The following ITPR1 variants were observed in gnomAD, a reference collection of about 807,000 sequenced individuals.
The protein encoded by ITPR1 is inositol 1,4,5-trisphosphate-gated calcium channel ITPR1.
In ITPR1, 96 loss-of-function variants were observed where a neutral mutation model predicts 318.4. The observed-to-expected ratio is 0.30, with a 90% CI of 0.26 to 0.36. The LOEUF is 0.36. Ranked by LOEUF, ITPR1 falls within the 10% of genes least tolerant of loss-of-function variation. ITPR1 has a pLI of 1.00. For missense variants in ITPR1, 2,440 were observed against 3,460.2 expected (o/e 0.71, Z 7.40); for synonymous variants, 1,312 against 1,289.9 (o/e 1.02, Z -0.37).
intron 59 of ITPR1, 40 bp from the exon 60 acceptor site, chr3:4,818,042 C>A (rs1264060618): frequency 1.3e-6 from 2 of 1,555,022 alleles, no homozygotes; most frequent in Admixed American, 3.7e-5. Flanking sequence ...TTTACCAAGG[C>A]TGCTCAGCTG....
chr3:4,813,006 G>C (rs938063896), intron 56 of ITPR1, 136 bp from the exon 57 acceptor site: 2 of 707,340 alleles, frequency 2.8e-6, no homozygotes, highest in Non-Finnish European at 4.9e-6. Flanking sequence ...TTGCATTTCT[G>C]CTTTGAATTT....
chr3:4,736,433 C>A (rs2043277637), intron 44 of ITPR1, among the ~76,000 whole-genome samples: 1 of 152,256 alleles, frequency 6.6e-6, no homozygotes, highest in African/African-American at 2.4e-5. Flanking sequence ...TCAGTCCCTG[C>A]CTGCTCCTCC....
intron 43 of ITPR1, among the ~76,000 whole-genome samples, chr3:4,733,923 T>C (rs2043102977): frequency 6.6e-6 from 1 of 152,254 alleles, no homozygotes; most frequent in Admixed American, 6.5e-5. Context: ...TTTGTGTTTT[T>C]AGGCAGTGCT....
chr3:4,512,664 G>A (rs149677070), intron 2 of ITPR1, among the ~76,000 whole-genome samples: 5 of 152,138 alleles, frequency 3.3e-5, no homozygotes, highest in South Asian at 4.2e-4. Flanking sequence ...CTTATCTCTC[G>A]TGGAAGAAAA....
At chr3:4,738,911 G>A (rs1360229703) in intron 44 of ITPR1, among the ~76,000 whole-genome samples, 1 of 151,830 alleles carries the variant, frequency 6.6e-6, no homozygotes, top group African/African-American at 2.4e-5. Flanking sequence ...TGCGGGTGTG[G>A]CCGCACGCAC....
chr3:4,708,343 C>A (rs904963026), intron 37 of ITPR1, among the ~76,000 whole-genome samples: 2 of 152,138 alleles, frequency 1.3e-5, no homozygotes, highest in Admixed American at 1.3e-4. Flanking sequence ...TGCATCTTAA[C>A]TTGACCTATG....
chr3:4,647,363 G>T (rs1412818789), intron 10 of ITPR1, among the ~76,000 whole-genome samples: 1 of 152,126 alleles, frequency 6.6e-6, no homozygotes, highest in Non-Finnish European at 1.5e-5. Context: ...AGGGATATTT[G>T]TACACAAGTT....
intron 44 of ITPR1, among the ~76,000 whole-genome samples, chr3:4,736,638 G>A (rs1011849039): frequency 2.0e-5 from 3 of 152,254 alleles, no homozygotes; most frequent in Non-Finnish European, 2.9e-5. Flanking sequence ...AAGTTGTCAC[G>A]TGGGCACGAG....
chr3:4,760,202 A>ATATCT (rs1352618558), intron 44 of ITPR1, among the ~76,000 whole-genome samples: 4 of 152,240 alleles, frequency 2.6e-5, no homozygotes, highest in African/African-American at 9.6e-5. Flanking sequence ...ATGAATGATG[A>ATATCT]TATCTGCCTT....
At position 4,576,500 on chromosome 3, in the gene ITPR1, G is replaced by A. The variant is rs1280619963; in HGVS notation, c.164-51263G>A. Among the ~76,000 whole-genome samples the A allele has an allele frequency of 2.0e-5, 3 of 152,164 alleles. No homozygotes were observed. In the East Asian group the frequency reaches 5.8e-4, roughly 29 times the overall value. Reference sequence around the variant, plus strand: ...GGCAGGGAGAGAGGGCAGGATTGGTGGAAGGCAAATGCTTGGAAGCAAAAA... The same window carrying A: ...GGCAGGGAGAGAGGGCAGGATTGGTAGAAGGCAAATGCTTGGAAGCAAAAA... On this transcript the variant is annotated intron_variant, in intron 4 of 61. Transcript: ENST00000649015.
At chr3:4,606,826 C>T (rs577498809) in intron 4 of ITPR1, among the ~76,000 whole-genome samples, 6 of 152,034 alleles carry the variant, frequency 3.9e-5, no homozygotes, top group East Asian at 3.9e-4. Flanking sequence ...AATTGGGGTC[C>T]GAGTTTTTAT....
At chr3:4,618,878 G>A (rs1364089762) in intron 4 of ITPR1, among the ~76,000 whole-genome samples, 1 of 152,190 alleles carries the variant, frequency 6.6e-6, no homozygotes, top group Non-Finnish European at 1.5e-5. Context: ...ACAAGGGTTG[G>A]CATTTGAGCT....
chr3:4,625,293 T>C lies in ITPR1; in HGVS notation c.164-2470T>C, dbSNP rs546252621. Among the ~76,000 whole-genome samples the C allele has an allele frequency of 3.9e-5, 6 of 152,002 alleles. No individual in the cohort carries two copies. In the East Asian group the frequency reaches 1.2e-3, roughly 29 times the overall value. On this transcript the variant is annotated intron_variant, in intron 4 of 61. Transcript: ENST00000649015. ...CATAGTAACAGTTAATTATGGATCATGACTAGAAGAAAGAGTGATCTGAAT... is the reference window on the plus strand; with the variant it reads ...CATAGTAACAGTTAATTATGGATCACGACTAGAAGAAAGAGTGATCTGAAT...
At chr3:4,635,616 A>T (rs530829160) in intron 5 of ITPR1, among the ~76,000 whole-genome samples, 3 of 151,982 alleles carry the variant, frequency 2.0e-5, no homozygotes, top group Non-Finnish European at 1.5e-5. Context: ...AAGTGCTGGG[A>T]TTACAGGCAT....
intron 46 of ITPR1, among the ~76,000 whole-genome samples, chr3:4,773,275 GC>G (rs2046301397): frequency 6.6e-6 from 1 of 152,230 alleles, no homozygotes. Context: ...AGAGGGCATT[GC>G]CTGGTGGGAG....
At chr3:4,584,708 C>T (rs557412130) in intron 4 of ITPR1, among the ~76,000 whole-genome samples, 1 of 152,026 alleles carries the variant, frequency 6.6e-6, no homozygotes, top group Non-Finnish European at 1.5e-5. Context: ...TTTCAAGAAC[C>T]TGTTGGTGGA....
chr3:4,813,542 T>G (rs2049078217), intron 57 of ITPR1, among the ~76,000 whole-genome samples: 1 of 152,056 alleles, frequency 6.6e-6, no homozygotes, highest in South Asian at 2.1e-4. Flanking sequence ...AGTTGCCCAA[T>G]GCTGGGAATA....
Position 4,670,887 on chromosome 3 carries a change from A to G in ITPR1, c.2165A>G (p.Glu722Gly). ...AGGGAATTGGCTCAGGATGCTAAAG[A>G]AGGGCAGAAGGAGGACCGAGACGTT... ...SVRELAQDAK[E>G]GQKEDRDVLS... The change falls in exon 20 of 62, where the codon GAA (glutamate) becomes GGA (glycine). Residue 722 changes from glutamate (E) to glycine (G), a missense_variant. By Grantham distance (98) the Glu-to-Gly change is moderately conservative. Coordinates refer to ENST00000649015, the MANE Select transcript of ITPR1 (RefSeq NM_001378452.1). The G allele has an allele frequency of 6.2e-7, 1 of 1,603,562 alleles. No individual in the cohort carries two copies. The highest frequency in any genetic ancestry group is 1.1e-5 in the South Asian group (1 of 89,468).
chr3:4,721,207 T>C (rs901852), intron 40 of ITPR1, among the ~76,000 whole-genome samples: 105,075 of 140,544 alleles, frequency 0.75, 41,597 homozygotes, highest in East Asian at 0.94. Flanking sequence ...TATATATGCA[T>C]ATCACTGAGA....
Sources: allele counts gnomAD v4.1 joint callset (sites outside exome capture counted in the v4.1 genomes callset), GRCh38; gene constraint gnomAD v4.1.1; transcripts MANE v1.5; gene names NCBI Gene and HGNC (gene_info 2026-07-23, HGNC 2026-07-21).